The following PAK5 variants were observed in gnomAD, a reference collection of about 807,000 sequenced individuals.
PAK5 encodes the protein serine/threonine-protein kinase PAK 5.
In PAK5, 16 loss-of-function variants were observed where a neutral mutation model predicts 65.9. The ratio of observed to expected loss-of-function variants is 0.24; its 90% CI spans 0.16 to 0.37. The LOEUF is 0.37. PAK5 is among the 10% of genes least tolerant of loss of function. The probability of loss-of-function intolerance (pLI) is 1.00; values close to 1 mark genes in which losing one functional copy is unlikely to be tolerated. For missense variants in PAK5, 785 were observed against 903.9 expected (o/e 0.87, Z 1.69); for synonymous variants, 371 against 354.9 (o/e 1.05, Z -0.51).
chr20:9,725,228 C>T (rs1412805247), intron 1 of PAK5, among the ~76,000 whole-genome samples: 1 of 151,950 alleles, frequency 6.6e-6, no homozygotes, highest in Admixed American at 6.6e-5. Context: ...GCTGAGGATG[C>T]TACAAAGTAT....
rs1160518277 is a variant in PAK5 at position 9,560,108 on chromosome 20, C to A, written c.1617-2374G>T. Among the ~76,000 whole-genome samples the A allele has an allele frequency of 2.6e-5, 4 of 152,278 alleles. No homozygotes were observed. In the South Asian group the frequency reaches 8.3e-4, roughly 32 times the overall value. ...AAGATTCTTTACAGGTCGACTATATCAAAAATTACTTGAATCTAACCGCTA... is the reference window on the plus strand; with the variant it reads ...AAGATTCTTTACAGGTCGACTATATAAAAAATTACTTGAATCTAACCGCTA... On this transcript the variant is annotated intron_variant, in intron 6 of 9. Coordinates refer to ENST00000353224, the MANE Select transcript of PAK5 (RefSeq NM_177990.4).
At chr20:9,680,710 T>C (rs80006880) in intron 2 of PAK5, among the ~76,000 whole-genome samples, 44 of 152,210 alleles carry the variant, frequency 2.9e-4, no homozygotes, top group Non-Finnish European at 5.4e-4. Context: ...GATATAGACA[T>C]GTAGAGGAAT....
At chr20:9,594,011 G>T (rs1013523464) in intron 3 of PAK5, among the ~76,000 whole-genome samples, 1 of 152,204 alleles carries the variant, frequency 6.6e-6, no homozygotes, top group African/African-American at 2.4e-5. Context: ...AATTGCAGGG[G>T]CTCCCAGCCA....
intron 1 of PAK5, among the ~76,000 whole-genome samples, chr20:9,790,230 A>C (rs2049035514): frequency 6.6e-6 from 1 of 152,274 alleles, no homozygotes; most frequent in Non-Finnish European, 1.5e-5. Context: ...GTTACAATAC[A>C]AACCTTATTG....
chr20:9,836,925 G>A (rs368075150), intron 1 of PAK5, among the ~76,000 whole-genome samples: 2 of 152,272 alleles, frequency 1.3e-5, no homozygotes, highest in East Asian at 1.9e-4. Context: ...GAATCACAAA[G>A]CTAAACATAG....
intron 1 of PAK5, among the ~76,000 whole-genome samples, chr20:9,763,205 C>T (rs2048719919): frequency 6.6e-6 from 1 of 151,926 alleles, no homozygotes. Flanking sequence ...TAGCATAGTA[C>T]CTATAGTTAA....
intron 1 of PAK5, among the ~76,000 whole-genome samples, chr20:9,719,621 T>C (rs532226599): frequency 6.6e-6 from 1 of 152,264 alleles, no homozygotes; most frequent in African/African-American, 2.4e-5. Flanking sequence ...TGAACAATTA[T>C]GTTTAGATAT....
At chr20:9,817,849 C>A (rs986860616) in intron 1 of PAK5, among the ~76,000 whole-genome samples, 3 of 152,154 alleles carry the variant, frequency 2.0e-5, no homozygotes, top group Non-Finnish European at 2.9e-5. Context: ...GCTATCAATT[C>A]TCAGTTAATG....
In PAK5 at chr20:9,539,589, T is replaced by C; in HGVS notation, c.2033A>G (p.Asp678Gly). Residue 678 changes from aspartate to glycine, a missense_variant, in exon 10 of 10, where the codon GAC (aspartate) becomes GGC (glycine). Physicochemically the swap from Asp to Gly is moderately conservative, Grantham distance 94 (BLOSUM62 -1). Transcript: ENST00000353224. ...AGAGGGCTCCCTCACCAACATCAAGTCTAGGAATCCCCGGAGCACTGAAGA... is the reference window on the plus strand; with the variant it reads ...AGAGGGCTCCCTCACCAACATCAAGCCTAGGAATCCCCGGAGCACTGAAGA... Reference protein sequence around the residue: ...KVSSVLRGFLDLMLVREPSQR... With the variant: ...KVSSVLRGFLGLMLVREPSQR... The C allele has an allele frequency of 6.2e-7, 1 of 1,613,524 alleles. No individual in the cohort carries two copies. The highest frequency in any genetic ancestry group is 8.5e-7 in the Non-Finnish European group (1 of 1,179,966).
intron 2 of PAK5, among the ~76,000 whole-genome samples, chr20:9,645,615 C>G (rs1484181110): frequency 1.1e-4 from 16 of 150,396 alleles, no homozygotes. Context: ...GACAGAGTAT[C>G]GCTCTGTTGC....
chr20:9,739,922 G>A (rs987060563), intron 1 of PAK5, among the ~76,000 whole-genome samples: 2 of 152,134 alleles, frequency 1.3e-5, no homozygotes, highest in African/African-American at 2.4e-5. Context: ...AACACAGGTC[G>A]TCACTGAAGC....
At chr20:9,614,808 G>T (rs1170528086) in intron 3 of PAK5, among the ~76,000 whole-genome samples, 1 of 152,172 alleles carries the variant, frequency 6.6e-6, no homozygotes, top group Non-Finnish European at 1.5e-5. Context: ...TAGCAGATCT[G>T]CCTTGTTAAA....
At chr20:9,576,937 C>T (rs1042534864) in intron 4 of PAK5, among the ~76,000 whole-genome samples, 21 of 152,166 alleles carry the variant, frequency 1.4e-4, no homozygotes, top group African/African-American at 4.6e-4. Flanking sequence ...CAGTAGGGAA[C>T]GGATGTGCTG....
chr20:9,761,617 AG>A (rs2048700988), intron 1 of PAK5, among the ~76,000 whole-genome samples: 1 of 152,182 alleles, frequency 6.6e-6, no homozygotes, highest in African/African-American at 2.4e-5. Flanking sequence ...AGAAGGCTGG[AG>A]GCACCATACT....
intron 1 of PAK5, among the ~76,000 whole-genome samples, chr20:9,802,988 C>T (rs2049190263): frequency 7.4e-6 from 1 of 134,846 alleles, no homozygotes; most frequent in Non-Finnish European, 1.6e-5. Context: ...AAAAAAGCTC[C>T]AAACCATGCT....
At chr20:9,689,721 A>G (rs1334588020) in intron 2 of PAK5, among the ~76,000 whole-genome samples, 1 of 152,244 alleles carries the variant, frequency 6.6e-6, no homozygotes, top group Non-Finnish European at 1.5e-5. Flanking sequence ...CTCTATATCC[A>G]TAATGATTAC....
At chr20:9,745,391 A>G (rs2048495110) in intron 1 of PAK5, among the ~76,000 whole-genome samples, 1 of 151,988 alleles carries the variant, frequency 6.6e-6, no homozygotes, top group South Asian at 2.1e-4. Context: ...ACAAGCTTGT[A>G]GAACTGTGAC....
intron 3 of PAK5, 115 bp from the exon 4 acceptor site, chr20:9,581,045 G>A (rs1348637283): frequency 5.7e-6 from 4 of 707,586 alleles, no homozygotes; most frequent in Non-Finnish European, 9.5e-6. Context: ...AAGACCCCGG[G>A]AACACTTAAC....
At chr20:9,694,991 G>A (rs952729869) in intron 2 of PAK5, among the ~76,000 whole-genome samples, 1 of 151,990 alleles carries the variant, frequency 6.6e-6, no homozygotes, top group Non-Finnish European at 1.5e-5. Context: ...TTTCCAAAGT[G>A]CTCAATTTAC....
Sources: gnomAD v4.1 joint callset for allele counts (sites outside exome capture counted in the v4.1 genomes callset) on GRCh38, gnomAD v4.1.1 for gene constraint, MANE v1.5 for transcripts, NCBI Gene and HGNC (gene_info 2026-07-23, HGNC 2026-07-21) for gene names.